The following CDH13 variants were observed in gnomAD, a reference collection of about 807,000 sequenced individuals.
CDH13 encodes the protein cadherin 13, also known as cadherin-13.
In CDH13, 24 loss-of-function variants were observed where a neutral mutation model predicts 63.8. The observed-to-expected ratio is 0.38, with a 90% CI of 0.27 to 0.53. The LOEUF is 0.53. Among genes scored for constraint, CDH13 ranks in the 20% least tolerant of loss-of-function variants. CDH13 has a pLI of 0.85. For missense variants in CDH13, 1,049 were observed against 903.1 expected (o/e 1.16, Z -2.07); for synonymous variants, 503 against 355.3 (o/e 1.42, Z -4.67).
At chr16:83,777,010 G>T (rs113917755) in intron 11 of CDH13, among the ~76,000 whole-genome samples, 262 of 152,230 alleles carry the variant, frequency 1.7e-3, no homozygotes, top group South Asian at 2.9e-3. Flanking sequence ...AGACTGAACC[G>T]CTGGTCTTCC....
chr16:83,115,484 C>G (rs564260731), intron 3 of CDH13, among the ~76,000 whole-genome samples: 146 of 152,308 alleles, frequency 9.6e-4, no homozygotes, highest in African/African-American at 3.4e-3. Flanking sequence ...AAGCTTCAAA[C>G]TCTCCAAAGG....
At chr16:82,930,650 G>T (rs2042460835) in intron 2 of CDH13, among the ~76,000 whole-genome samples, 1 of 152,012 alleles carries the variant, frequency 6.6e-6, no homozygotes, top group African/African-American at 2.4e-5. Flanking sequence ...TTCTTAAAAA[G>T]AAAACATATT....
At chr16:83,181,016 C>T in intron 4 of CDH13, 2 of 1,522,896 alleles carry the variant, frequency 1.3e-6, no homozygotes, top group Non-Finnish European at 8.8e-7. Context: ...AAACATTTTA[C>T]TTCCCACTAG....
At position 83,624,447 on chromosome 16, in the gene CDH13, G is replaced by A. The variant is rs148741481; in HGVS notation, c.1101+21853G>A. ...GGCAGGGGTGGTGGGGGATGGTTTC[G>A]GGATGACACTGTTCCACCTTAGATC... On this transcript the variant is annotated intron_variant, in intron 8 of 13. Transcript: ENST00000567109. Among the ~76,000 whole-genome samples, 278 of 151,640 alleles carry A rather than the reference G, an allele frequency of 1.8e-3. 1 individual carries two copies. The highest frequency in any genetic ancestry group is 6.3e-3 in the African/African-American group (262 of 41,380).
intron 7 of CDH13, among the ~76,000 whole-genome samples, chr16:83,493,505 T>C (rs1217042552): frequency 6.6e-6 from 1 of 152,162 alleles, no homozygotes; most frequent in Non-Finnish European, 1.5e-5. Flanking sequence ...GATGTGCTGT[T>C]CAAACCGAAC....
chr16:83,602,310 A>G (rs1461450567), intron 7 of CDH13, 144 bp from the exon 8 acceptor site: 4 of 807,234 alleles, frequency 5.0e-6, no homozygotes, highest in Non-Finnish European at 8.7e-6. Flanking sequence ...TATACACAAT[A>G]GGTAAAAATG....
intron 1 of CDH13, among the ~76,000 whole-genome samples, chr16:82,665,453 C>T (rs1425515316): frequency 2.0e-5 from 3 of 152,082 alleles, no homozygotes; most frequent in South Asian, 2.1e-4. Context: ...GGAACCTAAC[C>T]CTGCATTTCT....
chr16:82,692,613 T>C (rs1187204955), intron 1 of CDH13, among the ~76,000 whole-genome samples: 3 of 152,142 alleles, frequency 2.0e-5, no homozygotes, highest in Admixed American at 2.0e-4. Flanking sequence ...CAAGATGAGA[T>C]TTGAATGGGA....
chr16:82,888,150 G>T (rs1027854904), intron 2 of CDH13, among the ~76,000 whole-genome samples: 2 of 152,082 alleles, frequency 1.3e-5, no homozygotes, highest in African/African-American at 4.8e-5. Context: ...CAACCTTTTG[G>T]GAAGAAAACA....
intron 2 of CDH13, among the ~76,000 whole-genome samples, chr16:82,993,237 C>T (rs1195067836): frequency 6.6e-6 from 1 of 152,120 alleles, no homozygotes; most frequent in Non-Finnish European, 1.5e-5. Context: ...AAAGGCAGCC[C>T]AAGTTCCCTC....
intron 1 of CDH13, among the ~76,000 whole-genome samples, chr16:82,802,289 G>A (rs185959914): frequency 2.6e-5 from 4 of 152,224 alleles, no homozygotes; most frequent in Admixed American, 6.5e-5. Flanking sequence ...AGTATGTAGC[G>A]GGGACAACAA....
At chr16:82,918,087 C>T (rs74032611) in intron 2 of CDH13, among the ~76,000 whole-genome samples, 2,809 of 152,196 alleles carry the variant, frequency 0.018, 78 homozygotes, top group African/African-American at 0.065. Flanking sequence ...AAACCTGCTG[C>T]GAGGCAGCTG....
chr16:83,057,292 A>C (rs1227024285), intron 3 of CDH13, among the ~76,000 whole-genome samples: 2 of 152,126 alleles, frequency 1.3e-5, no homozygotes, highest in Non-Finnish European at 2.9e-5. Context: ...TAGCAACCTG[A>C]GAACAGACTA....
At chr16:83,145,648 C>T (rs1427846717) in intron 4 of CDH13, among the ~76,000 whole-genome samples, 1 of 152,162 alleles carries the variant, frequency 6.6e-6, no homozygotes, top group African/African-American at 2.4e-5. Context: ...TTCTATAGAT[C>T]GAAGGAATTA....
At chr16:82,804,271 C>G (rs1597642491) in intron 1 of CDH13, among the ~76,000 whole-genome samples, 2 of 110,026 alleles carry the variant, frequency 1.8e-5, no homozygotes, top group African/African-American at 8.9e-5. Flanking sequence ...GTTAGGGGAT[C>G]TTGCTACACA....
intron 5 of CDH13, among the ~76,000 whole-genome samples, chr16:83,332,253 A>G (rs996151170): frequency 2.0e-5 from 3 of 152,096 alleles, no homozygotes; most frequent in African/African-American, 7.2e-5. Flanking sequence ...TAATTCACGC[A>G]ATAAATTAGA....
At chr16:82,779,150 G>A (rs921579088) in intron 1 of CDH13, among the ~76,000 whole-genome samples, 5 of 152,162 alleles carry the variant, frequency 3.3e-5, no homozygotes, top group African/African-American at 1.2e-4. Context: ...GTAAGTAGCA[G>A]TTACTGTATG....
chr16:82,989,641 G>A (rs1207600528), intron 2 of CDH13, among the ~76,000 whole-genome samples: 1 of 152,200 alleles, frequency 6.6e-6, no homozygotes, highest in Non-Finnish European at 1.5e-5. Context: ...TTCTCGATTA[G>A]TGCAGAGGAT....
intron 2 of CDH13, among the ~76,000 whole-genome samples, chr16:83,030,852 C>T (rs1052225127): frequency 4.6e-5 from 7 of 151,906 alleles, no homozygotes; most frequent in Non-Finnish European, 8.8e-5. Context: ...CCACCCTTCC[C>T]TTCTAGATCC....
Sources: allele counts gnomAD v4.1 joint callset (sites outside exome capture counted in the v4.1 genomes callset), GRCh38; gene constraint gnomAD v4.1.1; transcripts MANE v1.5; gene names NCBI Gene and HGNC (gene_info 2026-07-23, HGNC 2026-07-21).